The following NINL variants were observed in gnomAD, a reference collection of about 807,000 sequenced individuals.
The protein encoded by NINL is ninein-like protein.
Under a neutral mutation model 160.3 loss-of-function variants are expected in NINL, and 153 were observed. That is an observed-to-expected ratio of 0.95 (90% confidence interval 0.84 to 1.09). The LOEUF is 1.09. Ranked by LOEUF, NINL falls within the 50% of genes least tolerant of loss-of-function variation. The pLI, the probability that NINL is intolerant of heterozygous loss-of-function variation, is 0.00. For missense variants in NINL, 1,829 were observed against 1,764.0 expected, an observed-to-expected ratio of 1.04 and a Z score of -0.66; for synonymous variants, 800 against 734.8, an observed-to-expected ratio of 1.09 and a Z score of -1.43.
At chr20:25,532,890 C>T (rs1206205302) in intron 1 of NINL, among the ~76,000 whole-genome samples, 1 of 152,198 alleles carries the variant, frequency 6.6e-6, no homozygotes, top group Non-Finnish European at 1.5e-5. Context: ...GGCAAAGCGT[C>T]TTTCCGTAAC....
Position 25,461,612 on chromosome 20 carries a change from T to A in NINL, c.3606A>T (p.Arg1202Ser), listed in dbSNP as rs552728630. 1 of 1,612,902 alleles carries A rather than the reference T, an allele frequency of 6.2e-7. No homozygotes were observed. The highest frequency in any genetic ancestry group is 2.2e-5 in the East Asian group (1 of 44,830). Reference sequence around the variant, plus strand: ...CCTGATTCAGGCATTCAAGTTCAACTCTAAGTTTTTGGATTTGGTCACTCT... The same window carrying A: ...CCTGATTCAGGCATTCAAGTTCAACACTAAGTTTTTGGATTTGGTCACTCT... Reference protein sequence around the residue: ...QQQSDQIQKLRVELECLNQEH... With the variant: ...QQQSDQIQKLSVELECLNQEH... Residue 1202 changes from arginine to serine, a missense_variant, in exon 21 of 24, where the codon AGA becomes AGT. Physicochemically the swap from Arg to Ser is moderately radical, Grantham distance 110. Coordinates refer to ENST00000278886, the MANE Select transcript of NINL (RefSeq NM_025176.6).
intron 10 of NINL, among the ~76,000 whole-genome samples, chr20:25,495,347 C>T (rs1239681699): frequency 6.6e-6 from 1 of 152,232 alleles, no homozygotes; most frequent in Non-Finnish European, 1.5e-5. Flanking sequence ...CCGCCCGCAT[C>T]CCTGGAGGGT....
chr20:25,527,665 A>G (rs557341780), intron 1 of NINL, among the ~76,000 whole-genome samples: 2 of 152,290 alleles, frequency 1.3e-5, no homozygotes, highest in African/African-American at 4.8e-5. Flanking sequence ...ACCATCTAAA[A>G]ATGCTCAAAT....
At chr20:25,555,712 T>C (rs1031118191) in intron 1 of NINL, among the ~76,000 whole-genome samples, 13 of 151,970 alleles carry the variant, frequency 8.6e-5, no homozygotes, top group Admixed American at 7.2e-4. Context: ...ATCTTCCCTA[T>C]TGCCCAGGCT....
chr20:25,478,111 G>A (rs1374562480), intron 16 of NINL, among the ~76,000 whole-genome samples: 1 of 152,040 alleles, frequency 6.6e-6, no homozygotes, highest in Non-Finnish European at 1.5e-5. Context: ...ACCATGCTCA[G>A]CTAATTTTTT....
At chr20:25,523,853 C>A (rs1319318637) in intron 2 of NINL, among the ~76,000 whole-genome samples, 1 of 151,596 alleles carries the variant, frequency 6.6e-6, no homozygotes, top group Non-Finnish European at 1.5e-5. Flanking sequence ...ATTGGTCAGG[C>A]TGATCTCCAC....
intron 13 of NINL, 179 bp downstream of exon 13, chr20:25,489,065 T>C (rs2063563551): frequency 3.2e-6 from 2 of 633,596 alleles, no homozygotes; most frequent in East Asian, 2.7e-5. Flanking sequence ...GCCTTCAGGA[T>C]AGGTGGCAAC....
chr20:25,480,131 C>T (rs762659736), intron 15 of NINL, 30 bp downstream of exon 15: 2 of 1,532,908 alleles, frequency 1.3e-6, no homozygotes, highest in African/African-American at 1.4e-5. Flanking sequence ...GCTACTCCCC[C>T]AGGGCCCCAC....
Position 25,544,755 on chromosome 20 carries a change from G to A in NINL, c.-11-18157C>T, listed in dbSNP as rs1237413720. Among the ~76,000 whole-genome samples, 2 of 152,186 alleles carry A rather than the reference G, an allele frequency of 1.3e-5. 1 individual carries two copies. Among genetic ancestry groups the A allele is most frequent in the Admixed American group, 1.3e-4 (2 of 15,288 alleles). On this transcript the variant is annotated intron_variant, in intron 1 of 23. Transcript: ENST00000278886. Reference sequence around the variant, plus strand: ...GCAGCCACAAAAAGGTTTTTCCTCTGGCAGGAACCAAGCTGGGTGCAGGGA... The same window carrying A: ...GCAGCCACAAAAAGGTTTTTCCTCTAGCAGGAACCAAGCTGGGTGCAGGGA...
At chr20:25,517,920 T>C (rs1423183914) in intron 2 of NINL, 71 bp from the exon 3 acceptor site, 4 of 927,204 alleles carry the variant, frequency 4.3e-6, no homozygotes, top group African/African-American at 1.7e-5. Flanking sequence ...GTGACTCTTT[T>C]GGATTTTCTC....
intron 13 of NINL, among the ~76,000 whole-genome samples, chr20:25,485,741 T>C (rs1285243602): frequency 1.3e-5 from 2 of 152,240 alleles, no homozygotes; most frequent in Non-Finnish European, 2.9e-5. Flanking sequence ...AAATCTATTA[T>C]GAACTAGGCT....
In NINL at chr20:25,482,088, G is replaced by T. The variant is rs533440102; in HGVS notation, c.1690C>A (p.Arg564Ser). 2.5e-6 allele frequency: 4 copies of T among 1,597,126 alleles called. No homozygotes were observed. Among genetic ancestry groups the T allele is most frequent in the Admixed American group, 1.7e-5 (1 of 59,936 alleles). ...YELKCRDLQD[R>S]NDELQAELEG... ...AGCTCAGCTTGCAGCTCATCGTTGC[G>T]GTCCTGCAGGTCCTGTGGGGACAGA... The change falls in exon 14 of 24, where the codon CGC (arginine) becomes AGC (serine). Residue 564 changes from arginine (R) to serine (S), a missense_variant. By Grantham distance (110) the Arg-to-Ser change is moderately radical (BLOSUM62 -1). Transcript: ENST00000278886.
intron 6 of NINL, 97 bp downstream of exon 6, chr20:25,504,791 A>T: frequency 8.0e-7 from 1 of 1,256,096 alleles, no homozygotes; most frequent in Non-Finnish European, 1.1e-6. Context: ...TGATGCACCT[A>T]CATGAGTGGC....
intron 15 of NINL, 71 bp downstream of exon 15, chr20:25,480,090 G>A (rs890517321): frequency 4.6e-6 from 5 of 1,079,260 alleles, no homozygotes; most frequent in Middle Eastern, 2.6e-4. Context: ...AAATGTCAGC[G>A]TGCCCAAGTA....
chr20:25,484,861 G>A (rs1343874261), intron 13 of NINL, among the ~76,000 whole-genome samples: 2 of 152,220 alleles, frequency 1.3e-5, no homozygotes, highest in African/African-American at 4.8e-5. Context: ...CACTGACTGT[G>A]TAATATTAAT....
At chr20:25,499,799 C>T (rs1179193339) in intron 8 of NINL, among the ~76,000 whole-genome samples, 4 of 152,024 alleles carry the variant, frequency 2.6e-5, no homozygotes, top group African/African-American at 4.8e-5. Context: ...CCAAGAGTTA[C>T]AGGGTGCAAC....
At chr20:25,565,937 G>A (rs1188416325) in intron 1 of NINL, among the ~76,000 whole-genome samples, 1 of 152,212 alleles carries the variant, frequency 6.6e-6, no homozygotes, top group Non-Finnish European at 1.5e-5. Context: ...GACCCCCGCA[G>A]GCTCTCTGAG....
At chr20:25,533,021 T>C (rs1360781762) in intron 1 of NINL, among the ~76,000 whole-genome samples, 1 of 152,098 alleles carries the variant, frequency 6.6e-6, no homozygotes, top group African/African-American at 2.4e-5. Context: ...GCGGCCCGGC[T>C]CAGCCACATA....
At chr20:25,526,930 A>C (rs440612) in intron 1 of NINL, among the ~76,000 whole-genome samples, 19,293 of 152,220 alleles carry the variant, frequency 0.13, 2,342 homozygotes, top group African/African-American at 0.32. Context: ...CTTTGGGAGA[A>C]AAAGGCGGGA....
Sources: gnomAD v4.1 joint callset for allele counts (sites outside exome capture counted in the v4.1 genomes callset) on GRCh38, gnomAD v4.1.1 for gene constraint, MANE v1.5 for transcripts, NCBI Gene and HGNC (gene_info 2026-07-23, HGNC 2026-07-21) for gene names.